Variants in ASB3 observed in about 807,000 individuals in gnomAD.
The protein encoded by ASB3 is ankyrin repeat and SOCS box protein 3.
Under a neutral mutation model 54.5 loss-of-function variants are expected in ASB3, and 41 were observed. The observed-to-expected ratio is 0.75, with a 90% CI of 0.59 to 0.98. ASB3 has a LOEUF of 0.98. Ranked by LOEUF, ASB3 falls within the 50% of genes least tolerant of loss-of-function variation. The probability of loss-of-function intolerance (pLI) is 0.00; values close to 1 mark genes in which losing one functional copy is unlikely to be tolerated. For synonymous variants in ASB3, 266 were observed against 221.2 expected (o/e 1.20, Z -1.80); for missense variants, 733 against 620.0 (o/e 1.18, Z -1.94).
At chr2:53,701,888 T>C (rs1669514074) in intron 7 of ASB3, among the ~76,000 whole-genome samples, 1 of 152,214 alleles carries the variant, frequency 6.6e-6, no homozygotes, top group African/African-American at 2.4e-5. Flanking sequence ...TTCTATCCTA[T>C]GTTTCTGGAC....
intron 3 of ASB3, among the ~76,000 whole-genome samples, chr2:53,739,938 T>C (rs1443969933): frequency 6.6e-6 from 1 of 152,126 alleles, no homozygotes; most frequent in Non-Finnish European, 1.5e-5. Flanking sequence ...CCTCCCAAAA[T>C]GTTGAGATTA....
chr2:53,693,925 G>T lies in ASB3; in HGVS notation c.1328C>A (p.Ser443Tyr). The T allele has an allele frequency of 6.2e-7, 1 of 1,613,668 alleles. No homozygotes were observed. Residue 443 changes from serine to tyrosine, a missense_variant, in exon 9 of 10, where the codon TCT becomes TAT. Coordinates refer to ENST00000263634, the MANE Select transcript of ASB3 (RefSeq NM_016115.5). ...AATCCAAGCGTTTGAGGCACGAGCA[G>T]AGAGCATCCTTTCAACAGCTGGTGC... The part of the protein sequence containing the change: ...TLAPAVERML[S>Y]ARASNAWILQ...
At chr2:53,675,813 G>C (rs778483745) in intron 9 of ASB3, among the ~76,000 whole-genome samples, 2 of 152,092 alleles carry the variant, frequency 1.3e-5, no homozygotes, top group South Asian at 4.1e-4. Context: ...AGAAAATAAC[G>C]TAACAATAAA....
Position 53,716,571 on chromosome 2 carries a change from A to G in ASB3, c.777T>C (p.His259=). Residue 259 remains histidine (H), a synonymous_variant, in exon 6 of 10, where the codon CAT becomes CAC. Transcript: ENST00000263634. ...TTTCTGTTTTTAACACTTACTTTGT[A>G]TGGCCCATTTGTGCAGCTGCATGAA... ...LPIHAAAQMG[H]TKILDLLIPL... The G allele has an allele frequency of 6.2e-7, 1 of 1,611,184 alleles. No homozygotes were observed. The highest frequency in any genetic ancestry group is 8.5e-7 in the Non-Finnish European group (1 of 1,178,664).
chr2:53,735,347 C>T (rs1671563386), intron 3 of ASB3, among the ~76,000 whole-genome samples: 1 of 152,054 alleles, frequency 6.6e-6, no homozygotes, highest in Non-Finnish European at 1.5e-5. Context: ...CAAATACCTG[C>T]CAAGTATTTC....
chr2:53,706,914 C>T (rs1403318249), intron 7 of ASB3, among the ~76,000 whole-genome samples: 5 of 152,212 alleles, frequency 3.3e-5, no homozygotes, highest in African/African-American at 1.2e-4. Flanking sequence ...GTTGAGCTAA[C>T]AAAACAACCT....
intron 3 of ASB3, among the ~76,000 whole-genome samples, chr2:53,739,994 C>G (rs1422643787): frequency 6.6e-6 from 1 of 152,158 alleles, no homozygotes; most frequent in East Asian, 1.9e-4. Context: ...TTTTGAGGCT[C>G]AGATTTTGAC....
intron 3 of ASB3, among the ~76,000 whole-genome samples, chr2:53,729,788 CAG>C (rs1367680213): frequency 6.6e-6 from 1 of 152,142 alleles, no homozygotes; most frequent in African/African-American, 2.4e-5. Context: ...TTAAAAGACA[CAG>C]AGGAACTGGA....
intron 3 of ASB3, among the ~76,000 whole-genome samples, chr2:53,733,139 TAGTGGGAATACA>T (rs1558546896): frequency 6.6e-6 from 1 of 152,124 alleles, no homozygotes; most frequent in Non-Finnish European, 1.5e-5. Flanking sequence ...TCCATGGAGA[TAGTGGGAATACA>T]GATGAAATGG....
rs903486619 is a variant in ASB3 at position 53,755,982 on chromosome 2, C to A, written c.197-5041G>T. Among the ~76,000 whole-genome samples, 11 of 151,154 alleles carry A rather than the reference C, an allele frequency of 7.3e-5. No individual in the cohort carries two copies. The East Asian group carries it at 2.1e-3, about 29-fold the overall frequency. Reference sequence around the variant, plus strand: ...AACCTGGACAAAATAGTAAGACCCCCCCCCCACCTCTACAAAATATAGAAA... The same window carrying A: ...AACCTGGACAAAATAGTAAGACCCCACCCCCACCTCTACAAAATATAGAAA... On this transcript the variant is annotated intron_variant, in intron 2 of 9. Coordinates refer to ENST00000263634, the MANE Select transcript of ASB3 (RefSeq NM_016115.5).
At chr2:53,740,274 C>CT (rs948318439) in intron 3 of ASB3, among the ~76,000 whole-genome samples, 3 of 152,058 alleles carry the variant, frequency 2.0e-5, no homozygotes, top group Non-Finnish European at 4.4e-5. Flanking sequence ...TTATGTAAAA[C>CT]TTTTTTCCCC....
At chr2:53,676,883 C>T (rs1319591437) in intron 9 of ASB3, among the ~76,000 whole-genome samples, 2 of 152,200 alleles carry the variant, frequency 1.3e-5, no homozygotes, top group Non-Finnish European at 2.9e-5. Flanking sequence ...ATTCTCCTGC[C>T]TCAGCCTCCC....
At position 53,692,526 on chromosome 2, in the gene ASB3, C is replaced by G. The variant is rs191836181; in HGVS notation, c.1369+1358G>C. Among the ~76,000 whole-genome samples, 473 of 152,258 alleles carry G rather than the reference C, an allele frequency of 3.1e-3. 6 individuals carry two copies. Among genetic ancestry groups the G allele is most frequent in the East Asian group, 6.2e-3 (32 of 5,190 alleles). On this transcript the variant is annotated intron_variant, in intron 9 of 9. Coordinates refer to ENST00000263634, the MANE Select transcript of ASB3 (RefSeq NM_016115.5). ...AATAGATGATGATTATTACCCTACA[C>G]AAACTCTACCTAGTACTTAATTAAA...
intron 9 of ASB3, among the ~76,000 whole-genome samples, chr2:53,678,396 C>T (rs182377842): frequency 7.9e-5 from 12 of 152,248 alleles, no homozygotes; most frequent in African/African-American, 2.6e-4. Flanking sequence ...TGCAGCTCTA[C>T]GATGATTATG....
At position 53,751,082 on chromosome 2, in the gene ASB3, T is replaced by C. The variant is rs1558559195; in HGVS notation, c.197-141A>G. The stretch of plus-strand genomic sequence containing the variant: ...TGACAGGTTTCACCATTTAAAACTA[T>C]AGAAAATCAAGAAAAAGTTCTACAG... On this transcript the variant is annotated intron_variant, in intron 2 of 9. Transcript: ENST00000263634. 1.8e-5 allele frequency: 19 copies of C among 1,081,698 alleles called. No individual in the cohort carries two copies. The East Asian group carries it at 2.5e-4, about 14-fold the overall frequency. 67.0% of individuals were successfully genotyped at this position (1,081,698 alleles called of 1,614,324 possible).
At chr2:53,717,105 A>C (rs56228834) in intron 5 of ASB3, among the ~76,000 whole-genome samples, 18,754 of 152,194 alleles carry the variant, frequency 0.12, 1,220 homozygotes, top group East Asian at 0.15. Flanking sequence ...AGTGATTCAT[A>C]TCTTAGAATT....
chr2:53,742,795 T>C (rs560890124), intron 3 of ASB3, among the ~76,000 whole-genome samples: 2 of 146,198 alleles, frequency 1.4e-5, no homozygotes, highest in East Asian at 2.0e-4. Flanking sequence ...GAAAAAACAA[T>C]AGACATTGAA....
intron 5 of ASB3, among the ~76,000 whole-genome samples, chr2:53,720,853 A>C (rs1217941077): frequency 6.6e-6 from 1 of 152,042 alleles, no homozygotes; most frequent in Non-Finnish European, 1.5e-5. Flanking sequence ...ATCTCAATAA[A>C]TTTAAAAAAC....
chr2:53,693,793 CGAT>C, intron 9 of ASB3, 88 bp downstream of exon 9: 1 of 1,501,394 alleles, frequency 6.7e-7, no homozygotes, highest in South Asian at 1.4e-5. Flanking sequence ...TTGTGTTCAC[CGAT>C]GAATCTTATC....
Sources: allele counts gnomAD v4.1 joint callset (sites outside exome capture counted in the v4.1 genomes callset), GRCh38; gene constraint gnomAD v4.1.1; transcripts MANE v1.5; gene names NCBI Gene and HGNC (gene_info 2026-07-23, HGNC 2026-07-21).